The following ME3 variants were observed in gnomAD, a reference collection of about 807,000 sequenced individuals.
ME3 encodes the protein NADP-dependent malic enzyme, mitochondrial.
Under a neutral mutation model 68.9 loss-of-function variants are expected in ME3, and 48 were observed. The observed-to-expected ratio is 0.70, with a 90% CI of 0.55 to 0.89. The LOEUF is 0.89. ME3 is among the 40% of genes least tolerant of loss of function. The probability of loss-of-function intolerance (pLI) is 0.00; values close to 1 mark genes in which losing one functional copy is unlikely to be tolerated. For synonymous variants in ME3, 320 were observed against 318.8 expected, an observed-to-expected ratio of 1.00 and a Z score of -0.04; for missense variants, 675 against 797.4, an observed-to-expected ratio of 0.85 and a Z score of 1.85.
At chr11:86,450,377 G>A (rs1204954072) in exon 9 of ME3, 1 of 1,614,102 alleles carries the variant, frequency 6.2e-7, no homozygotes, top group South Asian at 1.1e-5. Context: ...CAAGATCCCT[G>A]CCACAGCAAC....
At position 86,554,161 on chromosome 11, in the gene ME3, A is replaced by G. The variant is rs1024681305; in HGVS notation, c.467+2392T>C. ...CTTTTACAAGCCTGTTGCATATGCA[A>G]GGTCCTAACCCTTCTACTAGTTCAT... On this transcript the variant is annotated intron_variant, in intron 4 of 14. Coordinates refer to ENST00000543262, the Ensembl canonical transcript of ME3. Among the ~76,000 whole-genome samples the G allele has an allele frequency of 1.1e-4, 16 of 152,212 alleles. 1 individual carries two copies. Among genetic ancestry groups the G allele is most frequent in the African/African-American group, 3.4e-4 (14 of 41,456 alleles).
intron 2 of ME3, among the ~76,000 whole-genome samples, chr11:86,624,888 C>A (rs996702564): frequency 6.6e-6 from 1 of 152,044 alleles, no homozygotes; most frequent in Non-Finnish European, 1.5e-5. Context: ...ATTGCAAAAG[C>A]CACAGAGAAA....
At chr11:86,603,241 C>G (rs1961021307) in intron 2 of ME3, among the ~76,000 whole-genome samples, 2 of 150,988 alleles carry the variant, frequency 1.3e-5, no homozygotes, top group South Asian at 4.2e-4. Flanking sequence ...TGAACTCAAA[C>G]AAATTTACAA....
intron 2 of ME3, among the ~76,000 whole-genome samples, chr11:86,612,179 T>C (rs998703609): frequency 6.6e-6 from 1 of 152,230 alleles, no homozygotes; most frequent in African/African-American, 2.4e-5. Flanking sequence ...TTTCTGTTCC[T>C]GTGTTAGTTT....
intron 6 of ME3, among the ~76,000 whole-genome samples, chr11:86,496,012 A>G (rs1952306301): frequency 6.6e-6 from 1 of 152,174 alleles, no homozygotes; most frequent in Non-Finnish European, 1.5e-5. Flanking sequence ...GCTGTTAAGC[A>G]AGGTCTGCCC....
intron 8 of ME3, chr11:86,462,603 T>C (rs1293592956): frequency 7.8e-7 from 1 of 1,288,106 alleles, no homozygotes; most frequent in African/African-American, 1.5e-5. Context: ...TGTCAGTTTG[T>C]ATGTGTAGAC....
At chr11:86,459,827 C>T (rs940398908) in intron 8 of ME3, among the ~76,000 whole-genome samples, 16 of 152,328 alleles carry the variant, frequency 1.1e-4, no homozygotes, top group Middle Eastern at 3.4e-3. Flanking sequence ...CCTTTATGGG[C>T]GTCTGGCCTG....
intron 2 of ME3, among the ~76,000 whole-genome samples, chr11:86,578,142 T>C (rs1314560041): frequency 6.6e-6 from 1 of 152,192 alleles, no homozygotes; most frequent in East Asian, 1.9e-4. Flanking sequence ...AATCACTCTC[T>C]TGGCAAAATT....
At chr11:86,532,857 C>G (rs1955363068) in intron 4 of ME3, among the ~76,000 whole-genome samples, 1 of 152,162 alleles carries the variant, frequency 6.6e-6, no homozygotes, top group Non-Finnish European at 1.5e-5. Context: ...GTCAGGAGTT[C>G]CAGACCAGCC....
chr11:86,456,198 C>G (rs1337846783), intron 8 of ME3, among the ~76,000 whole-genome samples: 1 of 152,126 alleles, frequency 6.6e-6, no homozygotes, highest in South Asian at 2.1e-4. Flanking sequence ...CATTGGCTAG[C>G]GGGAGTTTTC....
At chr11:86,477,492 T>C (rs1421358022) in intron 7 of ME3, among the ~76,000 whole-genome samples, 2 of 152,206 alleles carry the variant, frequency 1.3e-5, no homozygotes, top group South Asian at 2.1e-4. Context: ...TTGGTACTTA[T>C]TCATTGAAAG....
chr11:86,502,707 A>C (rs1207695230), intron 5 of ME3, among the ~76,000 whole-genome samples: 6 of 152,090 alleles, frequency 3.9e-5, no homozygotes, highest in Non-Finnish European at 8.8e-5. Context: ...ACAGAATCAC[A>C]TTTTCCTTGT....
At chr11:86,570,887 A>G (rs1957752954) in intron 2 of ME3, among the ~76,000 whole-genome samples, 1 of 152,170 alleles carries the variant, frequency 6.6e-6, no homozygotes, top group South Asian at 2.1e-4. Context: ...TGGGAAGGGA[A>G]CTGGACAACA....
intron 2 of ME3, among the ~76,000 whole-genome samples, chr11:86,631,272 A>G (rs1463578399): frequency 6.6e-6 from 1 of 152,222 alleles, no homozygotes; most frequent in African/African-American, 2.4e-5. Context: ...CAGTGGTCAC[A>G]GTCCCTGTGC....
chr11:86,549,001 T>C (rs566679166), intron 4 of ME3, among the ~76,000 whole-genome samples: 2 of 152,368 alleles, frequency 1.3e-5, no homozygotes, highest in East Asian at 1.9e-4. Flanking sequence ...CTGGACTTCG[T>C]TGATACGTAA....
At chr11:86,647,850 A>G (rs185003881) in intron 2 of ME3, among the ~76,000 whole-genome samples, 1 of 152,190 alleles carries the variant, frequency 6.6e-6, no homozygotes, top group African/African-American at 2.4e-5. Flanking sequence ...CAGATCAACG[A>G]GACATAAAAT....
At chr11:86,631,122 C>G (rs1289886120) in intron 2 of ME3, among the ~76,000 whole-genome samples, 1 of 152,182 alleles carries the variant, frequency 6.6e-6, no homozygotes, top group African/African-American at 2.4e-5. Context: ...ATGCTATGTA[C>G]CGAATTGCAG....
chr11:86,592,479 C>G (rs1959120984), intron 2 of ME3, among the ~76,000 whole-genome samples: 1 of 152,162 alleles, frequency 6.6e-6, no homozygotes, highest in South Asian at 2.1e-4. Context: ...TCACAAAACC[C>G]ATGTTCCTCT....
chr11:86,539,528 G>A (rs1158811509), intron 4 of ME3, among the ~76,000 whole-genome samples: 1 of 152,052 alleles, frequency 6.6e-6, no homozygotes, highest in Non-Finnish European at 1.5e-5. Flanking sequence ...TACTTATGGT[G>A]GCCAACCACA....
Sources: gnomAD v4.1 joint callset for allele counts (sites outside exome capture counted in the v4.1 genomes callset) on GRCh38, gnomAD v4.1.1 for gene constraint, MANE v1.5 for transcripts, NCBI Gene and HGNC (gene_info 2026-07-23, HGNC 2026-07-21) for gene names.